LARGE1: variants seen among roughly 807,000 people sequenced by gnomAD.
LARGE1 encodes the protein xylosyl- and glucuronyltransferase LARGE1.
LARGE1 carries 43 observed loss-of-function variants against 87.6 expected under a neutral mutation model. The ratio of observed to expected loss-of-function variants is 0.49; its 90% CI spans 0.38 to 0.63. The LOEUF is 0.63. LARGE1 is among the 30% of genes least tolerant of loss of function. The probability of loss-of-function intolerance (pLI) is 0.00; values close to 1 mark genes in which losing one functional copy is unlikely to be tolerated. For missense variants in LARGE1, 802 were observed against 1,000.2 expected, an observed-to-expected ratio of 0.80 and a Z score of 2.67; for synonymous variants, 434 against 394.6, an observed-to-expected ratio of 1.10 and a Z score of -1.18.
intron 11 of LARGE1, among the ~76,000 whole-genome samples, chr22:33,243,265 T>C (rs1291991477): frequency 6.6e-6 from 1 of 152,254 alleles, no homozygotes; most frequent in Non-Finnish European, 1.5e-5. Context: ...ATATAATTTA[T>C]GTATATTTTA....
chr22:33,433,547 G>C (rs1020883254), intron 6 of LARGE1, among the ~76,000 whole-genome samples: 2 of 133,372 alleles, frequency 1.5e-5, no homozygotes, highest in African/African-American at 5.7e-5. Context: ...AGTGAGCCGA[G>C]ATCGCACCAC....
chr22:33,763,641 A>G (rs1301495614), intron 1 of LARGE1, among the ~76,000 whole-genome samples: 1 of 152,092 alleles, frequency 6.6e-6, no homozygotes, highest in Non-Finnish European at 1.5e-5. Context: ...ACTGGCTGTG[A>G]CCTTGACCAA....
intron 2 of LARGE1, among the ~76,000 whole-genome samples, chr22:33,759,708 C>T (rs945303977): frequency 1.3e-5 from 2 of 152,102 alleles, no homozygotes; most frequent in African/African-American, 4.8e-5. Flanking sequence ...CTTATTAAAC[C>T]TATACTAGCA....
chr22:33,125,866 G>C, the LARGE1 span, among the ~76,000 whole-genome samples: 1 of 152,140 alleles, frequency 6.6e-6, no homozygotes, highest in Non-Finnish European at 1.5e-5. Flanking sequence ...TCGTGCCTCA[G>C]CTTCCTGAGC....
intron 7 of LARGE1, among the ~76,000 whole-genome samples, chr22:33,424,988 G>A (rs1038760862): frequency 7.9e-5 from 12 of 152,156 alleles, no homozygotes; most frequent in African/African-American, 2.7e-4. Context: ...ACAAGGCTGG[G>A]CGCGGCAGCT....
At position 33,761,428 on chromosome 22, in the gene LARGE1, T is replaced by C; in HGVS notation, c.49A>G (p.Ser17Gly). The change falls in exon 2 of 15, where the codon AGT becomes GGT. Residue 17 changes from serine (S) to glycine (G), a missense_variant. By Grantham distance (56) the Ser-to-Gly change is moderately conservative. Transcript: ENST00000397394. ...GRRKFLAASL[S>G]LLCIPAITWI... ...GTGATGGCTGGGATGCAGAGAAGAC[T>C]CAACGAGGCAGCCAAGAATTTCCGT... 6.2e-7 allele frequency: 1 copy of C among 1,614,004 alleles called. No individual in the cohort carries two copies. Among genetic ancestry groups the C allele is most frequent in the Non-Finnish European group, 8.5e-7 (1 of 1,180,010 alleles).
chr22:33,311,952 G>A (rs891822109), intron 11 of LARGE1, among the ~76,000 whole-genome samples: 5 of 152,076 alleles, frequency 3.3e-5, no homozygotes, highest in African/African-American at 1.2e-4. Flanking sequence ...TGAGTTGGTG[G>A]GATTTGAACC....
intron 2 of LARGE1, among the ~76,000 whole-genome samples, chr22:33,730,396 G>C (rs1260247612): frequency 6.6e-6 from 1 of 152,198 alleles, no homozygotes; most frequent in Non-Finnish European, 1.5e-5. Flanking sequence ...GAAGTCAAAA[G>C]TTATATGCAT....
chr22:33,877,602 G>A (rs940189914), intron 1 of LARGE1, among the ~76,000 whole-genome samples: 1 of 152,094 alleles, frequency 6.6e-6, no homozygotes, highest in Non-Finnish European at 1.5e-5. Flanking sequence ...CTTGAAATGT[G>A]GCTGCTCTGA....
At chr22:33,367,167 G>A (rs2064627945) in intron 9 of LARGE1, among the ~76,000 whole-genome samples, 1 of 151,606 alleles carries the variant, frequency 6.6e-6, no homozygotes. Context: ...TCCACCAACT[G>A]AGACTGTTTG....
At position 33,757,536 on chromosome 22, in the gene LARGE1, T is replaced by A. The variant is rs376422567; in HGVS notation, c.106+3835A>T. ...TGAGATCCTGAGACAGCTGACCCCC[T>A]CCAGGGCTCTCTCAATATATCATGC... On this transcript the variant is annotated intron_variant, in intron 2 of 14. Coordinates refer to ENST00000397394, the MANE Select transcript of LARGE1 (RefSeq NM_133642.5). Among the ~76,000 whole-genome samples the A allele has an allele frequency of 3.0e-4, 45 of 152,182 alleles. 4 individuals are homozygous for A. Among genetic ancestry groups the A allele is most frequent in the African/African-American group, 1.1e-3 (44 of 41,526 alleles).
chr22:33,905,324 C>T (rs958806221), intron 1 of LARGE1, among the ~76,000 whole-genome samples: 1 of 152,154 alleles, frequency 6.6e-6, no homozygotes, highest in Admixed American at 6.5e-5. Context: ...CCACCTTGGC[C>T]TCTCAGTGTG....
intron 5 of LARGE1, among the ~76,000 whole-genome samples, chr22:33,593,799 T>C (rs1402646561): frequency 1.3e-5 from 2 of 150,824 alleles, no homozygotes; most frequent in Admixed American, 6.6e-5. Flanking sequence ...ATTATTAAAA[T>C]GTATTGCACT....
the LARGE1 span, among the ~76,000 whole-genome samples, chr22:33,101,351 T>C: frequency 6.6e-6 from 1 of 152,344 alleles, no homozygotes; most frequent in African/African-American, 2.4e-5. Flanking sequence ...CCTCTCTGTG[T>C]CTCAGTTTTC....
intron 11 of LARGE1, among the ~76,000 whole-genome samples, chr22:33,311,127 A>AT (rs369394573): frequency 2.8e-4 from 43 of 152,034 alleles, no homozygotes; most frequent in African/African-American, 9.9e-4. Context: ...TGCCAGGCTA[A>AT]TTTTTTGTAT....
chr22:33,845,467 C>T (rs562085870), intron 1 of LARGE1, among the ~76,000 whole-genome samples: 13 of 152,120 alleles, frequency 8.5e-5, no homozygotes, highest in African/African-American at 2.9e-4. Context: ...CGTCACCATG[C>T]CCGGCTAATT....
At chr22:33,520,781 C>T (rs181892276) in intron 6 of LARGE1, among the ~76,000 whole-genome samples, 5 of 152,336 alleles carry the variant, frequency 3.3e-5, no homozygotes, top group African/African-American at 4.8e-5. Flanking sequence ...CTGTGTGGGC[C>T]TCTCTTCCTT....
downstream of LARGE1, among the ~76,000 whole-genome samples, chr22:33,159,883 G>A (rs2146114006): frequency 6.6e-6 from 1 of 151,282 alleles, no homozygotes; most frequent in African/African-American, 2.4e-5. Context: ...CACCATGCCT[G>A]GCAATCAATT....
chr22:33,669,594 G>T (rs1376487229), intron 2 of LARGE1, among the ~76,000 whole-genome samples: 2 of 152,160 alleles, frequency 1.3e-5, no homozygotes, highest in East Asian at 1.9e-4. Flanking sequence ...TCCAGAAACA[G>T]AAATACCTGC....
Sources: gnomAD v4.1 joint callset for allele counts (sites outside exome capture counted in the v4.1 genomes callset) on GRCh38, gnomAD v4.1.1 for gene constraint, MANE v1.5 for transcripts, NCBI Gene and HGNC (gene_info 2026-07-23, HGNC 2026-07-21) for gene names.